Variants in C6 observed in about 807,000 individuals in gnomAD.
C6 encodes complement component C6.
Under a neutral mutation model 112.9 loss-of-function variants are expected in C6, and 101 were observed. The ratio of observed to expected loss-of-function variants is 0.89; its 90% CI spans 0.76 to 1.06. The LOEUF (loss-of-function observed/expected upper bound fraction) is 1.06, where lower values mean the gene tolerates loss of function less well. Ranked by LOEUF, C6 falls within the 50% of genes least tolerant of loss-of-function variation. The pLI is 0.00. For synonymous variants in C6, 431 were observed against 384.1 expected, an observed-to-expected ratio of 1.12 and a Z score of -1.43; for missense variants, 1,202 against 1,104.6, an observed-to-expected ratio of 1.09 and a Z score of -1.25.
At chr5:41,230,552 C>T (rs1365360468) in intron 1 of C6, among the ~76,000 whole-genome samples, 3 of 152,136 alleles carry the variant, frequency 2.0e-5, no homozygotes, top group African/African-American at 7.2e-5. Flanking sequence ...TGCTCTTGAA[C>T]TCTGTTTCTT....
At chr5:41,207,471 T>G (rs371501269) in intron 1 of C6, among the ~76,000 whole-genome samples, 1 of 152,192 alleles carries the variant, frequency 6.6e-6, no homozygotes, top group Non-Finnish European at 1.5e-5. Flanking sequence ...GCGTGCTGTA[T>G]TCAGGAGACC....
chr5:41,230,263 G>A (rs1403956786), intron 1 of C6, among the ~76,000 whole-genome samples: 1 of 152,038 alleles, frequency 6.6e-6, no homozygotes, highest in African/African-American at 2.4e-5. Context: ...TGGGGGGTTG[G>A]GCAGAATAGA....
intron 1 of C6, among the ~76,000 whole-genome samples, chr5:41,243,615 C>G (rs1740859444): frequency 6.6e-6 from 1 of 152,202 alleles, no homozygotes; most frequent in East Asian, 1.9e-4. Context: ...TTAGTATATC[C>G]TTCGCAGAGT....
chr5:41,218,427 C>A (rs1014894433), upstream of C6, among the ~76,000 whole-genome samples: 1 of 152,098 alleles, frequency 6.6e-6, no homozygotes, highest in African/African-American at 2.4e-5. Flanking sequence ...AATTTACAAT[C>A]TCCATAAAGA....
chr5:41,188,079 G>T (rs1378877300), intron 5 of C6, among the ~76,000 whole-genome samples: 1 of 152,008 alleles, frequency 6.6e-6, no homozygotes, highest in African/African-American at 2.4e-5. Flanking sequence ...AACAAAAGAA[G>T]TCTAAGACTC....
rs1396566539 is a variant in C6 at position 41,247,498 on chromosome 5, A to G, written c.-21+13696T>C. Among the ~76,000 whole-genome samples the G allele has an allele frequency of 2.0e-5, 3 of 152,114 alleles. 1 individual carries two copies. The South Asian group carries it at 6.2e-4, about 32-fold the overall frequency. On this transcript the variant is annotated intron_variant, in intron 1 of 17. Transcript: ENST00000263413. ...TATACCTAACCAATTTGGGTGGATC[A>G]TGAGGTCAGGAGATCAAGGCCATCC...
intron 1 of C6, among the ~76,000 whole-genome samples, chr5:41,244,364 T>C (rs976212239): frequency 8.5e-5 from 13 of 152,190 alleles, no homozygotes; most frequent in Non-Finnish European, 1.5e-4. Flanking sequence ...TTATAACATC[T>C]TTATGGTTGG....
chr5:41,158,958 G>T, intron 12 of C6, 124 bp downstream of exon 12: 1 of 1,273,264 alleles, frequency 7.9e-7, no homozygotes, highest in Non-Finnish European at 1.1e-6. Flanking sequence ...TTAATATTCT[G>T]TGTTGGCATA....
At chr5:41,146,322 A>T (rs7707908) in intron 17 of C6, among the ~76,000 whole-genome samples, 5,743 of 152,280 alleles carry the variant, frequency 0.038, 365 homozygotes, top group African/African-American at 0.13. Context: ...AAAGTTTTTT[A>T]AAATTCCATT....
At chr5:41,148,735 G>C (rs752568446) in intron 17 of C6, among the ~76,000 whole-genome samples, 1 of 152,198 alleles carries the variant, frequency 6.6e-6, no homozygotes, top group Non-Finnish European at 1.5e-5. Flanking sequence ...GTGGGATGCT[G>C]TCTGGGCTCA....
chr5:41,217,819 A>G (rs1395404986), upstream of C6, among the ~76,000 whole-genome samples: 1 of 149,428 alleles, frequency 6.7e-6, no homozygotes, highest in East Asian at 1.9e-4. Flanking sequence ...GAAAAGGCAG[A>G]AAAAAAAAGC....
chr5:41,153,151 A>T (rs1308514231), intron 15 of C6: 1 of 152,236 alleles, frequency 6.6e-6, no homozygotes, highest in Non-Finnish European at 1.5e-5. Flanking sequence ...TTTACCTCAC[A>T]GTGTCGGGTT....
chr5:41,181,399 T>C lies in C6; in HGVS notation c.887A>G (p.Asn296Ser), dbSNP rs550564724. The change falls in exon 7 of 18, where the codon AAT becomes AGT. Residue 296 changes from asparagine (N) to serine (S), a missense_variant. By Grantham distance (46) the Asn-to-Ser change is conservative. Transcript: ENST00000337836. ...SSKRSENINH[N>S]SAFKQAIQAS... ...TTGAATGGCTTGTTTGAAGGCAGAA[T>C]TATGGTTGATATTTTCACTTCTCTT... 1 of 1,613,764 alleles carries C rather than the reference T, an allele frequency of 6.2e-7. No individual in the cohort carries two copies. Among genetic ancestry groups the C allele is most frequent in the South Asian group, 1.1e-5 (1 of 91,072 alleles).
chr5:41,155,151 T>G (rs777777555), intron 13 of C6, 47 bp from the exon 14 acceptor site: 5 of 1,541,378 alleles, frequency 3.2e-6, no homozygotes, highest in Non-Finnish European at 4.5e-6. Context: ...TGAATAACAC[T>G]CTCTAAACTC....
chr5:41,226,590 C>G (rs529238255), intron 1 of C6, among the ~76,000 whole-genome samples: 17 of 152,254 alleles, frequency 1.1e-4, no homozygotes, highest in African/African-American at 3.6e-4. Flanking sequence ...GTCTCATGAA[C>G]AACATCTCCC....
chr5:41,205,769 C>A (rs1751387705), intron 1 of C6, among the ~76,000 whole-genome samples: 1 of 152,196 alleles, frequency 6.6e-6, no homozygotes, highest in Non-Finnish European at 1.5e-5. Context: ...GGCCTGCCTG[C>A]CTCTGTAGAC....
chr5:41,168,124 G>C (rs184220182), intron 9 of C6, among the ~76,000 whole-genome samples: 1 of 152,242 alleles, frequency 6.6e-6, no homozygotes, highest in East Asian at 1.9e-4. Flanking sequence ...CAAAACTACT[G>C]TGTCCAGATC....
chr5:41,156,122 C>G (rs1490283757), intron 13 of C6, among the ~76,000 whole-genome samples: 1 of 152,100 alleles, frequency 6.6e-6, no homozygotes, highest in Non-Finnish European at 1.5e-5. Flanking sequence ...ACCCTCACCT[C>G]CTGCCATTTC....
At chr5:41,208,240 T>C (rs1751597322) in intron 1 of C6, among the ~76,000 whole-genome samples, 1 of 152,188 alleles carries the variant, frequency 6.6e-6, no homozygotes, top group Admixed American at 6.5e-5. Context: ...GGGAAATTTA[T>C]AGCACTAAAT....
Sources: gnomAD v4.1 joint callset for allele counts (sites outside exome capture counted in the v4.1 genomes callset) on GRCh38, gnomAD v4.1.1 for gene constraint, MANE v1.5 for transcripts, NCBI Gene and HGNC (gene_info 2026-07-23, HGNC 2026-07-21) for gene names.